The following LARS2 variants were observed in gnomAD, a reference collection of about 807,000 sequenced individuals.
LARS2 encodes leucyl-tRNA synthetase 2, mitochondrial.
A neutral mutation model predicts 116.6 loss-of-function variants in LARS2; 81 were observed. The ratio of observed to expected loss-of-function variants is 0.69; its 90% CI spans 0.58 to 0.84. The LOEUF (loss-of-function observed/expected upper bound fraction) is 0.84, where lower values mean the gene tolerates loss of function less well. Among genes scored for constraint, LARS2 ranks in the 40% least tolerant of loss-of-function variants. LARS2 has a pLI of 0.00. For synonymous variants in LARS2, 396 were observed against 407.2 expected (o/e 0.97, Z 0.33); for missense variants, 968 against 1,114.5 (o/e 0.87, Z 1.87).
At chr3:45,482,617 T>G (rs1482323018) in intron 10 of LARS2, among the ~76,000 whole-genome samples, 1 of 152,232 alleles carries the variant, frequency 6.6e-6, no homozygotes, top group Admixed American at 6.5e-5. Context: ...CTAATTTGTT[T>G]TTTAAAGTCC....
intron 14 of LARS2, among the ~76,000 whole-genome samples, chr3:45,499,961 T>A (rs192269618): frequency 6.6e-5 from 10 of 152,140 alleles, no homozygotes; most frequent in Admixed American, 2.6e-4. Context: ...TATATAAGCT[T>A]TTCTCATATA....
chr3:45,534,794 G>A (rs1700675012), intron 20 of LARS2, among the ~76,000 whole-genome samples: 1 of 152,226 alleles, frequency 6.6e-6, no homozygotes, highest in Non-Finnish European at 1.5e-5. Context: ...AGAGTAAACA[G>A]AGACCTTTTA....
At chr3:45,470,819 C>T (rs1193669959) in intron 8 of LARS2, among the ~76,000 whole-genome samples, 1 of 152,060 alleles carries the variant, frequency 6.6e-6, no homozygotes, top group Admixed American at 6.5e-5. Flanking sequence ...TTTCTTTCAA[C>T]TCTTACATAT....
chr3:45,486,889 G>A (rs1277921795), intron 11 of LARS2, among the ~76,000 whole-genome samples: 2 of 152,066 alleles, frequency 1.3e-5, no homozygotes, highest in Admixed American at 6.6e-5. Flanking sequence ...ACACAATATT[G>A]AGAGTTTTGA....
chr3:45,469,586 C>T (rs193193869), intron 8 of LARS2, among the ~76,000 whole-genome samples: 13 of 152,058 alleles, frequency 8.5e-5, no homozygotes, highest in South Asian at 8.3e-4. Flanking sequence ...CCTCGTGATC[C>T]GCCCGCCTCG....
At chr3:45,440,361 A>T (rs577759676) in intron 6 of LARS2, among the ~76,000 whole-genome samples, 6 of 152,326 alleles carry the variant, frequency 3.9e-5, no homozygotes, top group Admixed American at 2.0e-4. Flanking sequence ...GTTGCAAATG[A>T]CAAAAGTGCA....
chr3:45,508,874 C>A (rs1461044194), intron 15 of LARS2, among the ~76,000 whole-genome samples: 1 of 151,652 alleles, frequency 6.6e-6, no homozygotes, highest in Non-Finnish European at 1.5e-5. Flanking sequence ...CCCTACCTTT[C>A]CTCCCCTCTT....
At chr3:45,519,318 C>T (rs573635413) in intron 18 of LARS2, among the ~76,000 whole-genome samples, 30 of 151,648 alleles carry the variant, frequency 2.0e-4, no homozygotes, top group South Asian at 1.5e-3. Context: ...GGTGAAACCC[C>T]GTTTCTACTA....
chr3:45,545,336 A>G (rs938985016), intron 21 of LARS2, among the ~76,000 whole-genome samples: 1 of 152,214 alleles, frequency 6.6e-6, no homozygotes, highest in Non-Finnish European at 1.5e-5. Context: ...AGGTGTCAGA[A>G]AAGTCCAGGA....
At chr3:45,485,561 C>T (rs1699791616) in intron 10 of LARS2, 131 bp from the exon 11 acceptor site, 1 of 567,906 alleles carries the variant, frequency 1.8e-6, no homozygotes, top group South Asian at 2.7e-5. Context: ...CTTCAAAGGA[C>T]AACTTATTTA....
intron 15 of LARS2, among the ~76,000 whole-genome samples, chr3:45,503,978 GT>G (rs1339400679): frequency 1.3e-5 from 2 of 151,896 alleles, no homozygotes; most frequent in Non-Finnish European, 2.9e-5. Flanking sequence ...TATTGATATA[GT>G]CATTTTAAAT....
intron 20 of LARS2, among the ~76,000 whole-genome samples, chr3:45,537,781 C>A (rs1700730093): frequency 6.6e-6 from 1 of 152,190 alleles, no homozygotes; most frequent in African/African-American, 2.4e-5. Context: ...GGACTGCCAT[C>A]CACAGAAGCC....
intron 15 of LARS2, among the ~76,000 whole-genome samples, chr3:45,512,867 T>C (rs1260983616): frequency 6.6e-6 from 1 of 152,182 alleles, no homozygotes; most frequent in Non-Finnish European, 1.5e-5. Context: ...AAAACTTTTT[T>C]TAGGCCAGGT....
chr3:45,463,365 G>A (rs1460669095), intron 8 of LARS2, among the ~76,000 whole-genome samples: 1 of 152,232 alleles, frequency 6.6e-6, no homozygotes, highest in Non-Finnish European at 1.5e-5. Context: ...ATGGTGCTTA[G>A]TCAACCCCCA....
chr3:45,533,883 A>G (rs187987097), intron 20 of LARS2, among the ~76,000 whole-genome samples: 1 of 152,128 alleles, frequency 6.6e-6, no homozygotes, highest in Non-Finnish European at 1.5e-5. Flanking sequence ...TCTACACGTC[A>G]CCCCACTGGG....
intron 6 of LARS2, among the ~76,000 whole-genome samples, chr3:45,439,709 G>T (rs1034446582): frequency 5.3e-5 from 8 of 152,040 alleles, no homozygotes; most frequent in Non-Finnish European, 7.4e-5. Context: ...TGGGGCTGAG[G>T]CATGCAGGGA....
chr3:45,454,568 G>A lies in LARS2; in HGVS notation c.607-4175G>A, dbSNP rs561306021. 6.6e-5 allele frequency among the ~76,000 whole-genome samples: 10 copies of A among 152,234 alleles called. No individual in the cohort carries two copies. The South Asian group carries it at 1.7e-3, about 25-fold the overall frequency. ...TTTAATGATTTCAGTGTTAATTTAA[G>A]GTTCATTTCAATACAGGCTTGACTT... On this transcript the variant is annotated intron_variant, in intron 7 of 21. Coordinates refer to ENST00000645846, the MANE Select transcript of LARS2 (RefSeq NM_015340.4).
chr3:45,541,779 G>A, intron 20 of LARS2, 50 bp from the exon 21 acceptor site: 2 of 1,603,580 alleles, frequency 1.2e-6, no homozygotes, highest in Non-Finnish European at 1.7e-6. Context: ...GCTCTCATAA[G>A]CCTCCCTGTT....
intron 6 of LARS2, among the ~76,000 whole-genome samples, chr3:45,440,053 C>T (rs1274350299): frequency 1.3e-5 from 2 of 152,130 alleles, no homozygotes; most frequent in Non-Finnish European, 2.9e-5. Context: ...GAGGACTTAG[C>T]GGAGAGTGGC....
Sources: gnomAD v4.1 joint callset for allele counts (sites outside exome capture counted in the v4.1 genomes callset) on GRCh38, gnomAD v4.1.1 for gene constraint, MANE v1.5 for transcripts, NCBI Gene and HGNC (gene_info 2026-07-23, HGNC 2026-07-21) for gene names.